MSRA: variants seen among roughly 807,000 people sequenced by gnomAD.
MSRA encodes the protein mitochondrial peptide methionine sulfoxide reductase.
Under a neutral mutation model 31.3 loss-of-function variants are expected in MSRA, and 54 were observed. The ratio of observed to expected loss-of-function variants is 1.73; its 90% confidence interval spans 1.39 to 2.17. MSRA has a LOEUF of 2.17. MSRA is among the 30% of genes most tolerant of loss of function. MSRA has a pLI of 0.00. For missense variants in MSRA, 507 were observed against 300.9 expected (o/e 1.69, Z -5.07); for synonymous variants, 169 against 116.5 (o/e 1.45, Z -2.90).
At chr8:10,318,979 T>G (rs568738079) in intron 4 of MSRA, among the ~76,000 whole-genome samples, 3 of 152,220 alleles carry the variant, frequency 2.0e-5, no homozygotes, top group South Asian at 4.2e-4. Context: ...GGCGCCCACC[T>G]GCTGCCAAGA....
chr8:10,325,979 A>G (rs937758527), intron 5 of MSRA, among the ~76,000 whole-genome samples: 3 of 152,206 alleles, frequency 2.0e-5, no homozygotes, highest in Admixed American at 6.5e-5. Context: ...TTTGATTTCT[A>G]AAAGTGGGGA....
chr8:10,166,420 ATGTC>A (rs1382196573), intron 1 of MSRA, among the ~76,000 whole-genome samples: 3 of 151,878 alleles, frequency 2.0e-5, no homozygotes, highest in East Asian at 1.9e-4. Flanking sequence ...GTGTTTGCAT[ATGTC>A]TGTGCGTGTG....
At chr8:10,072,890 G>T (rs148332006) in intron 1 of MSRA, among the ~76,000 whole-genome samples, 57 of 151,924 alleles carry the variant, frequency 3.8e-4, no homozygotes, top group African/African-American at 1.3e-3. Flanking sequence ...CTTTAATTTT[G>T]GTTTCCACCT....
intron 1 of MSRA, among the ~76,000 whole-genome samples, chr8:10,126,789 C>G (rs1323843835): frequency 6.6e-6 from 1 of 152,240 alleles, no homozygotes; most frequent in Non-Finnish European, 1.5e-5. Flanking sequence ...GCTGGGATTA[C>G]AGGCATGAGC....
At chr8:10,158,405 A>C (rs1215820930) in intron 1 of MSRA, among the ~76,000 whole-genome samples, 1 of 152,222 alleles carries the variant, frequency 6.6e-6, no homozygotes, top group East Asian at 1.9e-4. Context: ...AGCTATCGGC[A>C]CAATAATCTA....
At chr8:10,135,029 C>T (rs1397008069) in intron 1 of MSRA, among the ~76,000 whole-genome samples, 3 of 152,196 alleles carry the variant, frequency 2.0e-5, no homozygotes, top group Non-Finnish European at 2.9e-5. Context: ...AATATCTGAC[C>T]TCAGCTTTAC....
chr8:10,348,815 G>T (rs1046543746), intron 5 of MSRA, among the ~76,000 whole-genome samples: 3 of 152,218 alleles, frequency 2.0e-5, no homozygotes, highest in Non-Finnish European at 4.4e-5. Flanking sequence ...TCTGGGATCT[G>T]CAGGGTCTTG....
chr8:10,231,050 T>A (rs1482865896), intron 2 of MSRA, among the ~76,000 whole-genome samples: 1 of 152,198 alleles, frequency 6.6e-6, no homozygotes, highest in African/African-American at 2.4e-5. Context: ...CCTCCCAAAG[T>A]GCTGGGATTA....
At chr8:10,266,504 A>T (rs899950735) in intron 3 of MSRA, among the ~76,000 whole-genome samples, 2 of 152,056 alleles carry the variant, frequency 1.3e-5, no homozygotes, top group Non-Finnish European at 2.9e-5. Context: ...AGACATAATG[A>T]TTTGCAAATA....
At chr8:10,102,909 T>A (rs534714816) in intron 1 of MSRA, among the ~76,000 whole-genome samples, 2 of 152,166 alleles carry the variant, frequency 1.3e-5, no homozygotes, top group African/African-American at 2.4e-5. Flanking sequence ...GGACAGTGTC[T>A]CAGCTCTGTA....
intron 2 of MSRA, among the ~76,000 whole-genome samples, chr8:10,232,096 G>C (rs141551997): frequency 6.6e-6 from 1 of 152,090 alleles, no homozygotes; most frequent in East Asian, 1.9e-4. Context: ...TAACTTTCTA[G>C]GATCCCAGGG....
chr8:10,393,798 T>G (rs1356589191), intron 5 of MSRA, among the ~76,000 whole-genome samples: 1 of 152,224 alleles, frequency 6.6e-6, no homozygotes, highest in Non-Finnish European at 1.5e-5. Context: ...TGCATTGAAT[T>G]GAGACAGTTT....
At chr8:10,130,898 C>T (rs1267388659) in intron 1 of MSRA, among the ~76,000 whole-genome samples, 21 of 152,114 alleles carry the variant, frequency 1.4e-4, no homozygotes. Context: ...TTTTAGATGC[C>T]ACAGATGCTA....
At chr8:10,202,406 G>C (rs1304033567) in intron 1 of MSRA, among the ~76,000 whole-genome samples, 1 of 152,200 alleles carries the variant, frequency 6.6e-6, no homozygotes, top group African/African-American at 2.4e-5. Flanking sequence ...GCAATATATA[G>C]TGTGGGGGAT....
At chr8:10,389,012 C>T (rs1409130136) in intron 5 of MSRA, among the ~76,000 whole-genome samples, 1 of 152,150 alleles carries the variant, frequency 6.6e-6, no homozygotes, top group East Asian at 1.9e-4. Context: ...ATATTTATGC[C>T]TAGTGTTCCA....
In MSRA at chr8:10,428,803, A is replaced by T. The variant is rs1809369722; in HGVS notation, c.*491A>T. 1 of 160,466 alleles carries T rather than the reference A, an allele frequency of 6.2e-6. No homozygotes were observed. The highest frequency in any genetic ancestry group is 1.9e-4 in the South Asian group (1 of 5,386). The allele number at this position is 160,466 out of a possible 1,614,324, so 9.9% of individuals were successfully genotyped here. On this transcript the variant is annotated 3_prime_UTR_variant, in exon 6 of 6. Transcript: ENST00000317173. ...TCAGCCCTCTCTGTGCAGAGAAAAG[A>T]TGTGAGTCCGCTTGATGAATTCTAA...
chr8:10,316,348 C>G (rs1432823734), intron 4 of MSRA, among the ~76,000 whole-genome samples: 1 of 152,120 alleles, frequency 6.6e-6, no homozygotes, highest in Non-Finnish European at 1.5e-5. Context: ...CAACCAGCCT[C>G]TCTCTGAGTG....
intron 5 of MSRA, among the ~76,000 whole-genome samples, chr8:10,399,340 A>G (rs574099609): frequency 9.8e-5 from 15 of 152,314 alleles, no homozygotes; most frequent in Non-Finnish European, 2.1e-4. Flanking sequence ...CTCATGTTAA[A>G]ATGTGACCTC....
In MSRA at chr8:10,353,232, C is replaced by A. The variant is rs1804297076; in HGVS notation, c.543+33243C>A. ...ACATTCTTGGGAGAACTGCCTTCTGCAAATAACCAATTTCTTGAGGAGACA... is the reference window on the plus strand; with the variant it reads ...ACATTCTTGGGAGAACTGCCTTCTGAAAATAACCAATTTCTTGAGGAGACA... On this transcript the variant is annotated intron_variant, in intron 5 of 5. Coordinates refer to ENST00000317173, the MANE Select transcript of MSRA (RefSeq NM_012331.5). Among the ~76,000 whole-genome samples, 5 of 152,188 alleles carry A rather than the reference C, an allele frequency of 3.3e-5. No homozygotes were observed. In the South Asian group the frequency reaches 1.0e-3, roughly 32 times the overall value.
Sources: allele counts gnomAD v4.1 joint callset (sites outside exome capture counted in the v4.1 genomes callset), GRCh38; gene constraint gnomAD v4.1.1; transcripts MANE v1.5; gene names NCBI Gene and HGNC (gene_info 2026-07-23, HGNC 2026-07-21).